Variants in USP17L7 observed in about 807,000 individuals in gnomAD.
USP17L7 encodes ubiquitin specific peptidase 17 like family member 7.
Under a neutral mutation model 37.6 loss-of-function variants are expected in USP17L7, and 53 were observed. That is an observed-to-expected ratio of 1.41 (90% CI 1.13 to 1.77). USP17L7 has a LOEUF of 1.77. Ranked by LOEUF, USP17L7 falls within the 40% of genes most tolerant of loss-of-function variation. The pLI is 0.00. For missense variants in USP17L7, 914 were observed against 645.0 expected, an observed-to-expected ratio of 1.42 and a Z score of -4.52; for synonymous variants, 330 against 251.0, an observed-to-expected ratio of 1.31 and a Z score of -2.98.
chr8:12,133,808 G>C lies in USP17L7; in HGVS notation c.202C>G (p.Leu68Val). Residue 68 changes from leucine (L) to valine (V), a missense_variant, in exon 1 of 1, where the codon CTT becomes GTT. Physicochemically the swap from Leu to Val is conservative, Grantham distance 32. Coordinates refer to ENST00000530447, the MANE Select transcript of USP17L7 (RefSeq NM_001256869.2). ...VARQLAPREK[L>V]PLSSRRPAAV... ...GCAGGTCTCCTGCTACTCAGAGGAA[G>C]CTTCTCCCTGGGAGCAAGCTGTCTT... 1.3e-6 allele frequency: 2 copies of C among 1,523,820 alleles called. No homozygotes were observed. The highest frequency in any genetic ancestry group is 1.8e-6 in the Non-Finnish European group (2 of 1,122,176). The allele number at this position is 1,523,820 out of a possible 1,614,324, so 94.4% of individuals were successfully genotyped here. A position where few individuals can be genotyped will look rare whatever the true frequency, so the allele number is the denominator to read the frequency against.
At position 12,132,625 on chromosome 8, in the gene USP17L7, T is replaced by G; in HGVS notation, c.1385A>C (p.Asn462Thr). The change falls in exon 1 of 1, where the codon AAC becomes ACC. Residue 462 changes from asparagine to threonine, a missense_variant. By Grantham distance (65) the Asn-to-Thr change is moderately conservative (BLOSUM62 0). Coordinates refer to ENST00000530447, the MANE Select transcript of USP17L7 (RefSeq NM_001256869.2). ...VRKVEGTLPP[N>T]VLVIHQSKYK... ...TTTTGATTGATGAATCACAAGTACGTTGGGAGGCAGGGTACCTTCAACTTT... is the reference window on the plus strand; with the variant it reads ...TTTTGATTGATGAATCACAAGTACGGTGGGAGGCAGGGTACCTTCAACTTT... 6.5e-7 allele frequency: 1 copy of G among 1,533,478 alleles called. No homozygotes were observed. Among genetic ancestry groups the G allele is most frequent in the Non-Finnish European group, 8.8e-7 (1 of 1,130,134 alleles). The allele number at this position is 1,533,478 out of a possible 1,614,324, so 95.0% of individuals were successfully genotyped here. A position where few individuals can be genotyped will look rare whatever the true frequency, so the allele number is the denominator to read the frequency against.
Position 12,133,339 on chromosome 8 carries a change from G to C in USP17L7, c.671C>G (p.Ala224Gly), listed in dbSNP as rs749653115. 6.7e-7 allele frequency: 1 copy of C among 1,495,660 alleles called. No homozygotes were observed. Among genetic ancestry groups the C allele is most frequent in the Non-Finnish European group, 9.1e-7 (1 of 1,102,910 alleles). The allele number at this position is 1,495,660 out of a possible 1,614,324, so 92.6% of individuals were successfully genotyped here. Reference protein sequence around the residue: ...SDTFDPYLDIALDIQAAQSVK... With the variant: ...SDTFDPYLDIGLDIQAAQSVK... ...ACTCTGAGCTGCCTGGATATCCAGG[G>C]CGATGTCCAGGTAAGGGTCAAAGGT... The change falls in exon 1 of 1, where the codon GCC becomes GGC. Residue 224 changes from alanine to glycine, a missense_variant. Transcript: ENST00000530447.
Position 12,133,245 on chromosome 8 carries a change from A to G in USP17L7, c.765T>C (p.Gly255=). The G allele has an allele frequency of 6.6e-7, 1 of 1,509,456 alleles. No homozygotes were observed. The highest frequency in any genetic ancestry group is 9.0e-7 in the Non-Finnish European group (1 of 1,111,884). The allele number at this position is 1,509,456 out of a possible 1,614,324, so 93.5% of individuals were successfully genotyped here. ...AGGCAGGCGCCTTCTGGAGACAAAG[A>G]CCACAATGATAGGCATTCTCTCCAT... The part of the protein sequence containing the change: ...ELNGENAYHC[G]LCLQKAPASK... Residue 255 remains glycine, a synonymous_variant, in exon 1 of 1, where the codon GGT becomes GGC. Coordinates refer to ENST00000530447, the MANE Select transcript of USP17L7 (RefSeq NM_001256869.2).
chr8:12,133,356 G>T lies in USP17L7; in HGVS notation c.654C>A (p.Asp218Glu), dbSNP rs765100507. Residue 218 changes from aspartate (D) to glutamate (E), a missense_variant, in exon 1 of 1, where the codon GAC becomes GAA. Asp to Glu is a conservative substitution (Grantham distance 45). Coordinates refer to ENST00000530447, the MANE Select transcript of USP17L7 (RefSeq NM_001256869.2). ...TATCCAGGGCGATGTCCAGGTAAGG[G>T]TCAAAGGTGTCTGAAACGCCGTGGC... ...LHCHGVSDTF[D>E]PYLDIALDIQ... 8 of 1,483,082 alleles carry T rather than the reference G, an allele frequency of 5.4e-6. No homozygotes were observed. The African/African-American group carries it at 7.0e-5, about 13-fold the overall frequency. 91.9% of individuals were successfully genotyped at this position (1,483,082 alleles called of 1,614,324 possible).
Position 12,133,614 on chromosome 8 carries a change from G to T in USP17L7, c.396C>A (p.Ile132=). ...GGCCAGGACTGTGGAGGGCCCATGT[G>T]ATGTGAGCTTGCATAGTACAGAACA... ...CCMFCTMQAH[I]TWALHSPGHV... The change falls in exon 1 of 1, where the codon ATC becomes ATA. Residue 132 remains isoleucine (I), a synonymous_variant. Coordinates refer to ENST00000530447, the MANE Select transcript of USP17L7 (RefSeq NM_001256869.2). The T allele has an allele frequency of 1.6e-6, 2 of 1,249,530 alleles. No homozygotes were observed. The highest frequency in any genetic ancestry group is 2.3e-6 in the Non-Finnish European group (2 of 873,566). 77.4% of individuals were successfully genotyped at this position (1,249,530 alleles called of 1,614,324 possible).
chr8:12,133,368 T>A lies in USP17L7; in HGVS notation c.642A>T (p.Ser214=). ...TGTCCAGGTAAGGGTCAAAGGTGTCTGAAACGCCGTGGCAGTGGAGATACT... is the reference window on the plus strand; with the variant it reads ...TGTCCAGGTAAGGGTCAAAGGTGTCAGAAACGCCGTGGCAGTGGAGATACT... ...QIKYLHCHGV[S]DTFDPYLDIA... Residue 214 remains serine, a synonymous_variant, in exon 1 of 1, where the codon TCA becomes TCT. Coordinates refer to ENST00000530447, the MANE Select transcript of USP17L7 (RefSeq NM_001256869.2). The A allele has an allele frequency of 6.8e-7, 1 of 1,471,762 alleles. No homozygotes were observed. The highest frequency in any genetic ancestry group is 9.2e-7 in the Non-Finnish European group (1 of 1,081,974). The allele number at this position is 1,471,762 out of a possible 1,614,324, so 91.2% of individuals were successfully genotyped here. A position where few individuals can be genotyped will look rare whatever the true frequency, so the allele number is the denominator to read the frequency against.
chr8:12,133,184 G>A lies in USP17L7; in HGVS notation c.826C>T (p.Leu276Phe), dbSNP rs765303548. 23 of 1,511,068 alleles carry A rather than the reference G, an allele frequency of 1.5e-5. 5 individuals are homozygous for A. In the East Asian group the frequency reaches 2.8e-4, roughly 19 times the overall value. 93.6% of individuals were successfully genotyped at this position (1,511,068 alleles called of 1,614,324 possible). Reference protein sequence around the residue: ...TLTLPTSAKVLILVLKRFSDV... With the variant: ...TLTLPTSAKVFILVLKRFSDV... ...GAGAATCTCTTCAATACAAGAATGA[G>A]GACCTTGGCAGAAGTGGGTAAAGTT... is the stretch of plus-strand genomic sequence containing the variant. The change falls in exon 1 of 1, where the codon CTC becomes TTC. Residue 276 changes from leucine to phenylalanine, a missense_variant. Coordinates refer to ENST00000530447, the MANE Select transcript of USP17L7 (RefSeq NM_001256869.2).
In USP17L7 at chr8:12,133,409, AATAC is replaced by A. The variant is rs761589285; in HGVS notation, c.597_600del (p.Tyr200GlyfsTer41). 9.2e-5 allele frequency: 133 copies of A among 1,452,128 alleles called. 6 individuals are homozygous for A. The African/African-American group carries it at 1.4e-3, about 15-fold the overall frequency. The allele number at this position is 1,452,128 out of a possible 1,614,324, so 90.0% of individuals were successfully genotyped here. ...TGGAGATACTTGATTTGAGATCTCC[AATAC>A]GCTCCAAATATTTGGTGGATGAGGG... On this transcript the variant is annotated frameshift_variant, in exon 1 of 1. Coordinates refer to ENST00000530447, the MANE Select transcript of USP17L7 (RefSeq NM_001256869.2). LOFTEE classifies it high-confidence loss of function.
At position 12,132,802 on chromosome 8, in the gene USP17L7, G is replaced by A. The variant is rs1467921086; in HGVS notation, c.1208C>T (p.Ala403Val). The change falls in exon 1 of 1, where the codon GCA becomes GTA. Residue 403 changes from alanine to valine, a missense_variant. Physicochemically the swap from Ala to Val is moderately conservative, Grantham distance 64 (BLOSUM62 0). Coordinates refer to ENST00000530447, the MANE Select transcript of USP17L7 (RefSeq NM_001256869.2). Reference sequence around the variant, plus strand: ...GTCTCTCTTGAGCTCTCCTTGCGTTGCTGGCCTGTCTGTGTCTTCAGCACC... The same window carrying A: ...GTCTCTCTTGAGCTCTCCTTGCGTTACTGGCCTGTCTGTGTCTTCAGCACC... ...ALGAEDTDRP[A>V]TQGELKRDHP... 1 of 1,517,922 alleles carries A rather than the reference G, an allele frequency of 6.6e-7. No individual in the cohort carries two copies. Among genetic ancestry groups the A allele is most frequent in the Non-Finnish European group, 9.0e-7 (1 of 1,115,032 alleles). The allele number at this position is 1,517,922 out of a possible 1,614,324, so 94.0% of individuals were successfully genotyped here.
Position 12,132,592 on chromosome 8 carries a change from C to T in USP17L7, c.1418G>A (p.Cys473Tyr), listed in dbSNP as rs1802960840. 1.3e-6 allele frequency: 2 copies of T among 1,532,052 alleles called. No homozygotes were observed. The highest frequency in any genetic ancestry group is 1.8e-6 in the Non-Finnish European group (2 of 1,128,978). The allele number at this position is 1,532,052 out of a possible 1,614,324, so 94.9% of individuals were successfully genotyped here. A position where few individuals can be genotyped will look rare whatever the true frequency, so the allele number is the denominator to read the frequency against. ...TTCAGGATGATGGTTTTTCATACCA[C>T]ACTTGTATTTTGATTGATGAATCAC... ...VLVIHQSKYK[C>Y]GMKNHHPEQQ... The change falls in exon 1 of 1, where the codon TGT (cysteine) becomes TAT (tyrosine). Residue 473 changes from cysteine (C) to tyrosine (Y), a missense_variant. Transcript: ENST00000530447.
In USP17L7 at chr8:12,133,300, A is replaced by G. The variant is rs760502152; in HGVS notation, c.710T>C (p.Leu237Ser). Residue 237 changes from leucine (L) to serine (S), a missense_variant, in exon 1 of 1, where the codon TTG becomes TCG. Coordinates refer to ENST00000530447, the MANE Select transcript of USP17L7 (RefSeq NM_001256869.2). Reference sequence around the variant, plus strand: ...TTCTTTGGGCTTCACCAACTGTTCCAAAGCTTGCTTGACACTCTGAGCTGC... The same window carrying G: ...TTCTTTGGGCTTCACCAACTGTTCCGAAGCTTGCTTGACACTCTGAGCTGC... The part of the protein sequence containing the change: ...IQAAQSVKQA[L>S]EQLVKPKELN... 5 of 1,517,180 alleles carry G rather than the reference A, an allele frequency of 3.3e-6. 2 individuals are homozygous for G. In the East Asian group the frequency reaches 1.3e-4, roughly 39 times the overall value. 94.0% of individuals were successfully genotyped at this position (1,517,180 alleles called of 1,614,324 possible).
At position 12,132,623 on chromosome 8, in the gene USP17L7, C is replaced by T. The variant is rs554822461; in HGVS notation, c.1387G>A (p.Val463Ile). The T allele has an allele frequency of 1.0e-4, 154 of 1,532,450 alleles. 25 individuals are homozygous for T. The South Asian group carries it at 1.1e-3, about 11-fold the overall frequency. 94.9% of individuals were successfully genotyped at this position (1,532,450 alleles called of 1,614,324 possible). A position where few individuals can be genotyped will look rare whatever the true frequency, so the allele number is the denominator to read the frequency against. The change falls in exon 1 of 1, where the codon GTA becomes ATA. Residue 463 changes from valine to isoleucine, a missense_variant. By Grantham distance (29) the Val-to-Ile change is conservative. Coordinates refer to ENST00000530447, the MANE Select transcript of USP17L7 (RefSeq NM_001256869.2). ...RKVEGTLPPN[V>I]LVIHQSKYKC... is the part of the protein sequence containing the mutation. Reference sequence around the variant, plus strand: ...TATTTTGATTGATGAATCACAAGTACGTTGGGAGGCAGGGTACCTTCAACT... The same window carrying T: ...TATTTTGATTGATGAATCACAAGTATGTTGGGAGGCAGGGTACCTTCAACT...
Position 12,132,942 on chromosome 8 carries a change from G to T in USP17L7, c.1068C>A (p.Ala356=). 6.5e-7 allele frequency: 1 copy of T among 1,530,566 alleles called. No homozygotes were observed. Among genetic ancestry groups the T allele is most frequent in the Non-Finnish European group, 8.9e-7 (1 of 1,125,930 alleles). 94.8% of individuals were successfully genotyped at this position (1,530,566 alleles called of 1,614,324 possible). Residue 356 remains alanine (A), a synonymous_variant, in exon 1 of 1, where the codon GCC becomes GCA. Transcript: ENST00000530447. ...GACTCAGGACAGAGGTGATGCCAGA[G>T]GCAGTGACCTCGGCATCATCCATTT... is the stretch of plus-strand genomic sequence containing the variant. ...WYKMDDAEVT[A]SGITSVLSQQ...
rs549530089 is a variant in USP17L7 at position 12,133,860 on chromosome 8, G to C, written c.150C>G (p.Asp50Glu). The C allele has an allele frequency of 1.9e-5, 29 of 1,523,258 alleles. 1 individual carries two copies. The highest frequency in any genetic ancestry group is 4.8e-4 in the Middle Eastern group (2 of 4,140). The allele number at this position is 1,523,258 out of a possible 1,614,324, so 94.4% of individuals were successfully genotyped here. A position where few individuals can be genotyped will look rare whatever the true frequency, so the allele number is the denominator to read the frequency against. ...CCACAGGAGCCAAATCATCACAGAG[G>C]TCGAAACGGGTCTCAGATGAGAGTG... ...KSPLSSETRF[D>E]LCDDLAPVAR... The change falls in exon 1 of 1, where the codon GAC (aspartate) becomes GAG (glutamate). Residue 50 changes from aspartate to glutamate, a missense_variant. By Grantham distance (45) the Asp-to-Glu change is conservative (BLOSUM62 2). Transcript: ENST00000530447.
At position 12,132,527 on chromosome 8, in the gene USP17L7, T is replaced by A; in HGVS notation, c.1483A>T (p.Thr495Ser). ...SLLNLSSTKP[T>S]DQESMNTGTL... ...CCAGTGTTCATGGACTCCTGATCTG[T>A]CGGTTTCGTCGAAGAGAGGTTTAGC... is the stretch of plus-strand genomic sequence containing the variant. Residue 495 changes from threonine (T) to serine (S), a missense_variant, in exon 1 of 1, where the codon ACA becomes TCA. Transcript: ENST00000530447. 4.0e-6 allele frequency: 6 copies of A among 1,505,286 alleles called. No homozygotes were observed. Among genetic ancestry groups the A allele is most frequent in the Non-Finnish European group, 5.4e-6 (6 of 1,105,950 alleles). The allele number at this position is 1,505,286 out of a possible 1,614,324, so 93.2% of individuals were successfully genotyped here. A position where few individuals can be genotyped will look rare whatever the true frequency, so the allele number is the denominator to read the frequency against.
chr8:12,132,437 A>G lies in USP17L7; in HGVS notation c.1573T>C (p.Ser525Pro), dbSNP rs1407512995. 1.4e-6 allele frequency: 2 copies of G among 1,423,690 alleles called. No homozygotes were observed. The highest frequency in any genetic ancestry group is 2.5e-4 in the Middle Eastern group (1 of 3,922). 88.2% of individuals were successfully genotyped at this position (1,423,690 alleles called of 1,614,324 possible). A position where few individuals can be genotyped will look rare whatever the true frequency, so the allele number is the denominator to read the frequency against. ...TGTGATCACTGGCACACAAGCAGAG[A>G]TCTCTTGCTGTGTTTGTTATTCCCT... ...SKGNNKHSKR[S>P]LLVCQ The change falls in exon 1 of 1, where the codon TCT (serine) becomes CCT (proline). Residue 525 changes from serine (S) to proline (P), a missense_variant. Transcript: ENST00000530447.
Position 12,134,082 on chromosome 8 carries a change from G to T in USP17L7, c.-73C>A. 4 of 807,742 alleles carry T rather than the reference G, an allele frequency of 5.0e-6. No homozygotes were observed. The highest frequency in any genetic ancestry group is 8.4e-6 in the Non-Finnish European group (4 of 476,978). 50.0% of individuals were successfully genotyped at this position (807,742 alleles called of 1,614,324 possible). A position where few individuals can be genotyped will look rare whatever the true frequency, so the allele number is the denominator to read the frequency against. ...TGCAGCAAGACGCTATCTCTTCCGA[G>T]AGAGTCTTCAAATGACCAGCTCTCT... On this transcript the variant is annotated 5_prime_UTR_variant, in exon 1 of 1. Transcript: ENST00000530447.
rs773883622 is a variant in USP17L7, at chr8:12,132,746, C to T, written c.1264G>A (p.Glu422Lys). The T allele has an allele frequency of 1.8e-5, 28 of 1,532,986 alleles. 2 individuals carry two copies. Among genetic ancestry groups the T allele is most frequent in the African/African-American group, 1.8e-4 (13 of 72,026 alleles). 95.0% of individuals were successfully genotyped at this position (1,532,986 alleles called of 1,614,324 possible). Residue 422 changes from glutamate to lysine, a missense_variant, in exon 1 of 1, where the codon GAG (glutamate) becomes AAG (lysine). By Grantham distance (56) the Glu-to-Lys change is moderately conservative. Transcript: ENST00000530447. The stretch of plus-strand genomic sequence containing the variant: ...TGAGTGGCTCTTTCCACCAAGTGCT[C>T]GTCCAACTCGGGTACCTGGAGGCAA... Reference protein sequence around the residue: ...HPCLQVPELDEHLVERATQES... With the variant: ...HPCLQVPELDKHLVERATQES...
rs1364099492 is a variant in USP17L7 at position 12,133,963 on chromosome 8, T to C, written c.47A>G (p.His16Arg). 3 of 1,235,160 alleles carry C rather than the reference T, an allele frequency of 2.4e-6. No individual in the cohort carries two copies. The highest frequency in any genetic ancestry group is 1.8e-5 in the Admixed American group (1 of 56,888). The allele number at this position is 1,235,160 out of a possible 1,614,324, so 76.5% of individuals were successfully genotyped here. ...LYLGGDWQFN[H>R]FSKLTSSRLD... ...CCGAGAAGATGTGAGTTTTGAAAAG[T>C]GATTGAACTGCCAGTCACCTCCCAA... The change falls in exon 1 of 1, where the codon CAC (histidine) becomes CGC (arginine). Residue 16 changes from histidine (H) to arginine (R), a missense_variant. Coordinates refer to ENST00000530447, the MANE Select transcript of USP17L7 (RefSeq NM_001256869.2).
Sources: gnomAD v4.1 joint callset for allele counts on GRCh38, gnomAD v4.1.1 for gene constraint, MANE v1.5 for transcripts, NCBI Gene and HGNC (gene_info 2026-07-23, HGNC 2026-07-21) for gene names.